USP10: variants seen among roughly 807,000 people sequenced by gnomAD.
USP10 encodes the protein ubiquitin specific peptidase 10.
In USP10, 22 loss-of-function variants were observed where a neutral mutation model predicts 84.5. That is an observed-to-expected ratio of 0.26 (90% CI 0.19 to 0.37). USP10 has a LOEUF of 0.37. Ranked by LOEUF, USP10 falls within the 10% of genes least tolerant of loss-of-function variation. USP10 has a pLI of 1.00. For missense variants in USP10, 1,019 were observed against 998.9 expected, an observed-to-expected ratio of 1.02 and a Z score of -0.27; for synonymous variants, 454 against 387.6, an observed-to-expected ratio of 1.17 and a Z score of -2.01.
In USP10 at chr16:84,745,420, C is replaced by T. The variant is rs751961546; in HGVS notation, c.939C>T (p.Asp313=). 34 of 1,613,638 alleles carry T rather than the reference C, an allele frequency of 2.1e-5. No individual in the cohort carries two copies. The South Asian group carries it at 3.2e-4, about 15-fold the overall frequency. The change falls in exon 4 of 14, where the codon GAC becomes GAT. Residue 313 remains aspartate, a synonymous_variant. Coordinates refer to ENST00000219473, the MANE Select transcript of USP10 (RefSeq NM_005153.3). ...ACACCACGGAAAGCATAGACTTGGA[C>T]CCAACCAAACCCGAGAGTGCATCAC... ...ELHTTESIDL[D]PTKPESASPP...
At chr16:84,704,368 A>G (rs1234508496) in intron 1 of USP10, among the ~76,000 whole-genome samples, 1 of 152,242 alleles carries the variant, frequency 6.6e-6, no homozygotes, top group Non-Finnish European at 1.5e-5. Context: ...CCACACATGC[A>G]AGAATCACCA....
chr16:84,766,756 C>G (rs1265811287), intron 10 of USP10, among the ~76,000 whole-genome samples: 3 of 152,200 alleles, frequency 2.0e-5, no homozygotes, highest in South Asian at 2.1e-4. Flanking sequence ...TCTGAGGGGT[C>G]TCTGTGTTGA....
At chr16:84,749,444 G>A (rs764974007) in intron 4 of USP10, among the ~76,000 whole-genome samples, 13 of 152,102 alleles carry the variant, frequency 8.5e-5, no homozygotes, top group Admixed American at 6.5e-4. Context: ...AGAGGGAGTA[G>A]GGAATGATTT....
intron 4 of USP10, among the ~76,000 whole-genome samples, chr16:84,749,937 A>G (rs959138157): frequency 6.6e-6 from 1 of 152,118 alleles, no homozygotes. Flanking sequence ...TTGAAAGGAG[A>G]AGGACACGCC....
chr16:84,752,999 C>T (rs934532475), intron 4 of USP10, among the ~76,000 whole-genome samples: 3 of 151,752 alleles, frequency 2.0e-5, no homozygotes, highest in South Asian at 2.1e-4. Flanking sequence ...CAGGGTCTTG[C>T]TCATTCATTC....
At position 84,700,041 on chromosome 16, in the gene USP10, A is replaced by G. The variant is rs369382426; in HGVS notation, c.-50A>G. On this transcript the variant is annotated 5_prime_UTR_variant, in exon 1 of 14. Transcript: ENST00000219473. The stretch of plus-strand genomic sequence containing the variant: ...GCGAGAAGATGGCGGCGGCGGGGGA[A>G]GCAGCGTGAGCAGCCGGAGGATCGC... 3.9e-4 allele frequency: 528 copies of G among 1,343,450 alleles called. 2 individuals are homozygous for G. The African/African-American group carries it at 7.2e-3, about 18-fold the overall frequency. The allele number at this position is 1,343,450 out of a possible 1,614,324, so 83.2% of individuals were successfully genotyped here. A position where few individuals can be genotyped will look rare whatever the true frequency, so the allele number is the denominator to read the frequency against.
chr16:84,752,533 A>G (rs1038257067), intron 4 of USP10, among the ~76,000 whole-genome samples: 1 of 152,234 alleles, frequency 6.6e-6, no homozygotes, highest in South Asian at 2.1e-4. Context: ...TAGGAATAAC[A>G]TTGTAAATGA....
chr16:84,756,316 C>G, intron 4 of USP10, among the ~76,000 whole-genome samples: 1 of 152,228 alleles, frequency 6.6e-6, no homozygotes, highest in East Asian at 1.9e-4. Flanking sequence ...GTTTCAGCCA[C>G]ACACCATGGC....
At chr16:84,751,915 C>G (rs1414029951) in intron 4 of USP10, among the ~76,000 whole-genome samples, 1 of 151,982 alleles carries the variant, frequency 6.6e-6, no homozygotes, top group Non-Finnish European at 1.5e-5. Context: ...ATAATCATAG[C>G]TTATGATGAC....
intron 1 of USP10, among the ~76,000 whole-genome samples, chr16:84,700,634 G>T (rs1281231266): frequency 6.6e-6 from 1 of 152,136 alleles, no homozygotes; most frequent in African/African-American, 2.4e-5. Flanking sequence ...CCGATTTTCT[G>T]TTTTTTAGAT....
chr16:84,713,789 G>A (rs963599184), intron 1 of USP10, among the ~76,000 whole-genome samples: 5 of 152,216 alleles, frequency 3.3e-5, no homozygotes, highest in African/African-American at 1.2e-4. Context: ...GAGGAAAATA[G>A]TTCACAAAGA....
chr16:84,747,528 T>C (rs1002664085), intron 4 of USP10, among the ~76,000 whole-genome samples: 2 of 151,042 alleles, frequency 1.3e-5, no homozygotes, highest in African/African-American at 4.9e-5. Flanking sequence ...ATTTTGGGCT[T>C]CATATATATT....
intron 1 of USP10, among the ~76,000 whole-genome samples, chr16:84,721,860 G>T (rs1021519380): frequency 6.6e-6 from 1 of 152,226 alleles, no homozygotes; most frequent in Non-Finnish European, 1.5e-5. Context: ...GCCACACCTG[G>T]CTAATTTTTT....
intron 9 of USP10, among the ~76,000 whole-genome samples, chr16:84,763,404 C>T (rs781457002): frequency 1.3e-5 from 2 of 152,198 alleles, no homozygotes; most frequent in Non-Finnish European, 2.9e-5. Context: ...GCTATACACA[C>T]ACTGTGTATA....
At chr16:84,703,007 A>AAAAAAAAAAAAAAAAAAAAAC (rs1418017921) in intron 1 of USP10, among the ~76,000 whole-genome samples, 5 of 150,516 alleles carry the variant, frequency 3.3e-5, no homozygotes, top group African/African-American at 4.9e-5. Context: ...AAAAAAAAAA[A>AAAAAAAAAAAAAAAAAAAAAC]AAAAAAGAGC....
intron 10 of USP10, among the ~76,000 whole-genome samples, chr16:84,766,010 G>A (rs540792553): frequency 2.6e-5 from 4 of 152,266 alleles, no homozygotes; most frequent in East Asian, 3.9e-4. Flanking sequence ...GAGGCCTTGC[G>A]GCATAACCCC....
chr16:84,726,344 G>A (rs1021862464), intron 1 of USP10, among the ~76,000 whole-genome samples: 5 of 152,186 alleles, frequency 3.3e-5, no homozygotes, highest in African/African-American at 1.2e-4. Context: ...TCTCCTTCTC[G>A]CCTTCCTTGG....
intron 4 of USP10, among the ~76,000 whole-genome samples, chr16:84,754,581 G>C (rs907435988): frequency 6.6e-6 from 1 of 152,156 alleles, no homozygotes; most frequent in African/African-American, 2.4e-5. Context: ...TAGAAGACTT[G>C]ATTTTAATAC....
chr16:84,759,270 G>T lies in USP10; in HGVS notation c.1285-93G>T, dbSNP rs1234655651. On this transcript the variant is annotated intron_variant, in intron 5 of 13. Coordinates refer to ENST00000219473, the MANE Select transcript of USP10 (RefSeq NM_005153.3). The stretch of plus-strand genomic sequence containing the variant: ...GTAGTTCAACGTCCTTAGCTTCCTT[G>T]TGTTTTTATAAACATTCTTGTGCTT... 1.0e-5 allele frequency: 12 copies of T among 1,193,030 alleles called. No homozygotes were observed. The East Asian group carries it at 2.6e-4, about 26-fold the overall frequency. The allele number at this position is 1,193,030 out of a possible 1,614,324, so 73.9% of individuals were successfully genotyped here. A position where few individuals can be genotyped will look rare whatever the true frequency, so the allele number is the denominator to read the frequency against.
Sources: allele counts gnomAD v4.1 joint callset (sites outside exome capture counted in the v4.1 genomes callset), GRCh38; gene constraint gnomAD v4.1.1; transcripts MANE v1.5; gene names NCBI Gene and HGNC (gene_info 2026-07-23, HGNC 2026-07-21).